The following MAN1A2 variants were observed in gnomAD, a reference collection of about 807,000 sequenced individuals.
MAN1A2 encodes the protein mannosidase alpha class 1A member 2, also known as mannosyl-oligosaccharide 1,2-alpha-mannosidase IB.
Under a neutral mutation model 75.7 loss-of-function variants are expected in MAN1A2, and 26 were observed. That is an observed-to-expected ratio of 0.34 (90% CI 0.25 to 0.48). The LOEUF (loss-of-function observed/expected upper bound fraction) is 0.48, where lower values mean the gene tolerates loss of function less well. Among genes scored for constraint, MAN1A2 ranks in the 20% least tolerant of loss-of-function variants. The pLI is 0.99. For missense variants in MAN1A2, 562 were observed against 775.5 expected (o/e 0.72, Z 3.27); for synonymous variants, 247 against 264.6 (o/e 0.93, Z 0.65).
intron 11 of MAN1A2, 46 bp downstream of exon 11, chr1:117,499,600 T>G: frequency 3.3e-6 from 5 of 1,498,588 alleles, no homozygotes; most frequent in Non-Finnish European, 4.5e-6. Flanking sequence ...TGTTAACTCA[T>G]GCCCTCCTAT....
At chr1:117,466,449 A>G (rs770337085) in intron 8 of MAN1A2, 22 bp downstream of exon 8, 2 of 1,442,644 alleles carry the variant, frequency 1.4e-6, no homozygotes, top group Non-Finnish European at 1.9e-6. Context: ...AGTATACCTG[A>G]GGCTTTCTTA....
chr1:117,371,299 A>G (rs1652958218), intron 1 of MAN1A2, among the ~76,000 whole-genome samples: 1 of 152,226 alleles, frequency 6.6e-6, no homozygotes, highest in East Asian at 1.9e-4. Context: ...GGTTGGCAAC[A>G]AATGTATGCC....
At chr1:117,397,769 A>G (rs1216800430) in intron 1 of MAN1A2, among the ~76,000 whole-genome samples, 1 of 149,076 alleles carries the variant, frequency 6.7e-6, no homozygotes, top group African/African-American at 2.5e-5. Flanking sequence ...CTCCTGCCTC[A>G]GCCTCCTGAG....
At chr1:117,368,858 G>GA (rs760605457) in intron 1 of MAN1A2, among the ~76,000 whole-genome samples, 37 of 152,170 alleles carry the variant, frequency 2.4e-4, no homozygotes, top group Non-Finnish European at 4.4e-4. Flanking sequence ...GTTGGAGTCA[G>GA]TCATTGTGCC....
chr1:117,458,523 A>AGATATAGATAT lies in MAN1A2; in HGVS notation c.951-1966_951-1965insGATATAGATAT, dbSNP rs372300456. The stretch of plus-strand genomic sequence containing the variant: ...TATATATATATATAGATATATATAT[A>AGATATAGATAT]TTTTTTTTTTTTTTTTTGAGACAGA... On this transcript the variant is annotated intron_variant, in intron 6 of 12. Coordinates refer to ENST00000356554, the MANE Select transcript of MAN1A2 (RefSeq NM_006699.5). Among the ~76,000 whole-genome samples, 425 of 105,610 alleles carry AGATATAGATAT rather than the reference A, an allele frequency of 4.0e-3. 6 individuals are homozygous for AGATATAGATAT. Among genetic ancestry groups the AGATATAGATAT allele is most frequent in the African/African-American group, 0.011 (319 of 29,012 alleles). The allele number at this position is 105,610 out of a possible 152,430, so 69.3% of individuals were successfully genotyped here.
rs1271376078 is a variant in MAN1A2 at position 117,526,483 on chromosome 1, G to A, written c.*3526G>A. The A allele has an allele frequency of 6.6e-6, 1 of 151,630 alleles. No homozygotes were observed. The highest frequency in any genetic ancestry group is 2.4e-5 in the African/African-American group (1 of 41,346). The allele number at this position is 151,630 out of a possible 1,614,324, so 9.4% of individuals were successfully genotyped here. A position where few individuals can be genotyped will look rare whatever the true frequency, so the allele number is the denominator to read the frequency against. On this transcript the variant is annotated 3_prime_UTR_variant, in exon 13 of 13. Transcript: ENST00000356554. ...TTGTAGTTAATAACTAAAACCTCTT[G>A]AAAATGTCAAAGAAATACTTGATTT...
At chr1:117,422,822 T>C (rs1165977294) in intron 5 of MAN1A2, among the ~76,000 whole-genome samples, 1 of 152,160 alleles carries the variant, frequency 6.6e-6, no homozygotes, top group Non-Finnish European at 1.5e-5. Flanking sequence ...AGGTCTTTTA[T>C]AATCTATACA....
chr1:117,399,215 A>G (rs1257592810), intron 1 of MAN1A2, among the ~76,000 whole-genome samples: 1 of 152,110 alleles, frequency 6.6e-6, no homozygotes, highest in African/African-American at 2.4e-5. Context: ...GACTCTAGAA[A>G]ATGGTGTGTA....
In MAN1A2 at chr1:117,367,739, G is replaced by A. The variant is rs1652815628; in HGVS notation, c.-445G>A. 6.4e-6 allele frequency: 1 copy of A among 156,036 alleles called. No individual in the cohort carries two copies. Among genetic ancestry groups the A allele is most frequent in the Non-Finnish European group, 1.4e-5 (1 of 70,798 alleles). 9.7% of individuals were successfully genotyped at this position (156,036 alleles called of 1,614,324 possible). Reference sequence around the variant, plus strand: ...TCCACCGCTAAGGTTAAGAGATTCTGGAATAGAAGCGTCGAAGGAGATCAA... The same window carrying A: ...TCCACCGCTAAGGTTAAGAGATTCTAGAATAGAAGCGTCGAAGGAGATCAA... On this transcript the variant is annotated 5_prime_UTR_variant, in exon 1 of 13. Transcript: ENST00000356554.
chr1:117,413,107 A>G (rs1486535793), intron 3 of MAN1A2, among the ~76,000 whole-genome samples: 6 of 151,940 alleles, frequency 3.9e-5, no homozygotes, highest in Non-Finnish European at 8.8e-5. Flanking sequence ...GAGTGATTAA[A>G]TGGCTTGATA....
intron 12 of MAN1A2, among the ~76,000 whole-genome samples, chr1:117,518,611 A>C (rs1186910582): frequency 6.6e-6 from 1 of 152,066 alleles, no homozygotes; most frequent in Admixed American, 6.6e-5. Context: ...TAATGATAAA[A>C]GGTCTTGTCC....
intron 12 of MAN1A2, among the ~76,000 whole-genome samples, chr1:117,521,704 T>C (rs1007590363): frequency 4.6e-5 from 7 of 151,964 alleles, no homozygotes; most frequent in Non-Finnish European, 8.8e-5. Flanking sequence ...TAAGTCATTA[T>C]ACAAAAACGA....
At chr1:117,391,900 T>C (rs1653731811) in intron 1 of MAN1A2, among the ~76,000 whole-genome samples, 1 of 152,232 alleles carries the variant, frequency 6.6e-6, no homozygotes, top group Non-Finnish European at 1.5e-5. Context: ...TTAATTCCTT[T>C]TCCTTCTCAT....
chr1:117,479,018 C>T (rs1650406626), intron 8 of MAN1A2, among the ~76,000 whole-genome samples: 1 of 151,652 alleles, frequency 6.6e-6, no homozygotes, highest in Non-Finnish European at 1.5e-5. Context: ...CACAGATCAA[C>T]CCATCACCTA....
intron 1 of MAN1A2, among the ~76,000 whole-genome samples, chr1:117,393,257 G>A (rs1271863893): frequency 6.6e-6 from 1 of 152,062 alleles, no homozygotes; most frequent in Non-Finnish European, 1.5e-5. Context: ...TAACCTCTTG[G>A]TTATTTCCAG....
At chr1:117,379,249 A>G (rs55709387) in intron 1 of MAN1A2, among the ~76,000 whole-genome samples, 21,531 of 151,704 alleles carry the variant, frequency 0.14, 1,749 homozygotes, top group South Asian at 0.22. Context: ...TTTTTTTCTC[A>G]TGGATTTGTA....
chr1:117,475,592 C>G (rs1224112540), intron 8 of MAN1A2, among the ~76,000 whole-genome samples: 1 of 152,016 alleles, frequency 6.6e-6, no homozygotes, highest in Non-Finnish European at 1.5e-5. Context: ...TCAACTCCCA[C>G]TTAGGAGTGA....
chr1:117,503,672 A>T (rs10801962), intron 12 of MAN1A2, among the ~76,000 whole-genome samples: 18,769 of 151,462 alleles, frequency 0.12, 1,225 homozygotes, highest in Non-Finnish European at 0.14. Flanking sequence ...TGTACATGAA[A>T]GCCTTGTAAA....
At chr1:117,508,486 T>C (rs898782397) in intron 12 of MAN1A2, among the ~76,000 whole-genome samples, 1 of 151,572 alleles carries the variant, frequency 6.6e-6, no homozygotes, top group Admixed American at 6.6e-5. Context: ...ATTCAAACTT[T>C]GAATATAGTA....
Sources: allele counts gnomAD v4.1 joint callset (sites outside exome capture counted in the v4.1 genomes callset), GRCh38; gene constraint gnomAD v4.1.1; transcripts MANE v1.5; gene names NCBI Gene and HGNC (gene_info 2026-07-23, HGNC 2026-07-21).